The following ANTXR1 variants were observed in gnomAD, a reference collection of about 807,000 sequenced individuals.
ANTXR1 encodes ANTXR cell adhesion molecule 1, also known as anthrax toxin receptor 1.
Under a neutral mutation model 78.1 loss-of-function variants are expected in ANTXR1, and 19 were observed. That is an observed-to-expected ratio of 0.24 (90% CI 0.17 to 0.36). The LOEUF is 0.36. ANTXR1 is among the 10% of genes least tolerant of loss of function. ANTXR1 has a pLI of 1.00. For synonymous variants in ANTXR1, 273 were observed against 260.5 expected (o/e 1.05, Z -0.46); for missense variants, 518 against 718.6 (o/e 0.72, Z 3.19).
At chr2:69,181,658 C>G in intron 14 of ANTXR1, 128 bp from the exon 15 acceptor site, 2 of 893,556 alleles carry the variant, frequency 2.2e-6, no homozygotes, top group Non-Finnish European at 3.8e-6. Flanking sequence ...TTCTAGGAAA[C>G]AGTAGCACTG....
intron 12 of ANTXR1, among the ~76,000 whole-genome samples, chr2:69,129,585 C>T (rs557599142): frequency 1.3e-5 from 2 of 152,170 alleles, no homozygotes; most frequent in Admixed American, 1.3e-4. Context: ...AACCCTGTCT[C>T]TACTAAAAAT....
At chr2:69,216,538 C>G (rs1047086264) in intron 17 of ANTXR1, among the ~76,000 whole-genome samples, 8 of 152,158 alleles carry the variant, frequency 5.3e-5, no homozygotes, top group Non-Finnish European at 1.0e-4. Flanking sequence ...AAACCTCCCC[C>G]TCAGAATCAC....
chr2:69,186,915 G>A (rs943538486), intron 16 of ANTXR1, among the ~76,000 whole-genome samples: 2 of 152,188 alleles, frequency 1.3e-5, no homozygotes, highest in African/African-American at 2.4e-5. Flanking sequence ...GGCAGGTCAG[G>A]GAGAGTGACC....
intron 9 of ANTXR1, 79 bp from the exon 10 acceptor site, chr2:69,102,762 CA>C: frequency 1.4e-6 from 2 of 1,379,426 alleles, no homozygotes; most frequent in Non-Finnish European, 2.1e-6. Context: ...AAATAGTGAA[CA>C]AATGCTCTAA....
chr2:69,080,325 T>TCC (rs60392967), intron 8 of ANTXR1, among the ~76,000 whole-genome samples: 18 of 151,868 alleles, frequency 1.2e-4, no homozygotes, highest in East Asian at 3.9e-4. Context: ...ACTCTCAATT[T>TCC]CCCCCCCATC....
intron 9 of ANTXR1, among the ~76,000 whole-genome samples, chr2:69,093,078 T>C (rs186647722): frequency 1.2e-4 from 19 of 152,322 alleles, no homozygotes; most frequent in Admixed American, 1.2e-3. Context: ...AATTCACTAG[T>C]ATAATGAATT....
intron 16 of ANTXR1, among the ~76,000 whole-genome samples, chr2:69,189,992 C>T (rs544587631): frequency 1.3e-5 from 2 of 152,096 alleles, no homozygotes; most frequent in East Asian, 1.9e-4. Flanking sequence ...TTTGAGTTGC[C>T]GGCAGATAGG....
intron 17 of ANTXR1, among the ~76,000 whole-genome samples, chr2:69,232,938 C>T (rs1370756174): frequency 6.6e-6 from 1 of 152,130 alleles, no homozygotes; most frequent in African/African-American, 2.4e-5. Context: ...GACAAAAGGA[C>T]TATCACAACG....
chr2:69,070,767 G>T lies in ANTXR1; in HGVS notation c.378+39G>T, dbSNP rs1319733793. 4.4e-6 allele frequency: 7 copies of T among 1,587,418 alleles called. No individual in the cohort carries two copies. In the Admixed American group the frequency reaches 8.3e-5, roughly 19 times the overall value. ...AGTTTGAAATCCAAATATAAAGCAT[G>T]ATATTGAAATATCAACATGGGGTGA... is the stretch of plus-strand genomic sequence containing the variant. On this transcript the variant is annotated intron_variant, in intron 4 of 17. Coordinates refer to ENST00000303714, the MANE Select transcript of ANTXR1 (RefSeq NM_032208.3).
intron 17 of ANTXR1, among the ~76,000 whole-genome samples, chr2:69,222,156 T>C (rs1675335415): frequency 6.6e-6 from 1 of 152,312 alleles, no homozygotes; most frequent in South Asian, 2.1e-4. Context: ...AAGTTCACCA[T>C]TGTTAAAAAT....
At chr2:69,181,712 T>A in intron 14 of ANTXR1, 74 bp from the exon 15 acceptor site, 1 of 1,389,526 alleles carries the variant, frequency 7.2e-7, no homozygotes, top group Non-Finnish European at 1.0e-6. Context: ...CTACTCCTAA[T>A]CACTTGGCTG....
chr2:69,181,993 T>C, intron 15 of ANTXR1, 112 bp downstream of exon 15: 2 of 1,055,346 alleles, frequency 1.9e-6, no homozygotes, highest in Admixed American at 1.9e-5. Context: ...CAGGGCAGTA[T>C]GGCCGTAGAC....
intron 8 of ANTXR1, among the ~76,000 whole-genome samples, chr2:69,087,883 A>G (rs935213223): frequency 4.6e-5 from 7 of 152,168 alleles, no homozygotes; most frequent in African/African-American, 1.7e-4. Flanking sequence ...GAACCCTTCA[A>G]ATCCACCAAC....
chr2:69,189,791 G>A (rs1262511980), intron 16 of ANTXR1, among the ~76,000 whole-genome samples: 3 of 152,228 alleles, frequency 2.0e-5, no homozygotes, highest in African/African-American at 4.8e-5. Context: ...AGAGATTGGT[G>A]GTGCCATGAA....
intron 1 of ANTXR1, among the ~76,000 whole-genome samples, chr2:69,026,618 A>G (rs960721707): frequency 2.0e-5 from 3 of 152,246 alleles, no homozygotes; most frequent in Non-Finnish European, 4.4e-5. Context: ...CAGCAAGATG[A>G]GAACTGAAAA....
Position 69,013,206 on chromosome 2 carries a change from G to A in ANTXR1, c.-294G>A, listed in dbSNP as rs13390810. 6,666 of 471,478 alleles carry A rather than the reference G, an allele frequency of 0.014. 384 individuals are homozygous for A. Among genetic ancestry groups the A allele is most frequent in the African/African-American group, 0.12 (5,996 of 48,400 alleles). 29.2% of individuals were successfully genotyped at this position (471,478 alleles called of 1,614,324 possible). ...GGAACTCCTTCCATTGCAAAAGCTC[G>A]GCGCGGCCTCGGGAGCTGCCCGGCG... is the stretch of plus-strand genomic sequence containing the variant. On this transcript the variant is annotated 5_prime_UTR_variant, in exon 1 of 18. Transcript: ENST00000303714. The surrounding 1 kb of genome is among the most constrained non-coding windows in gnomAD (Gnocchi z 5.0).
chr2:69,090,746 C>A, intron 8 of ANTXR1, 113 bp from the exon 9 acceptor site: 3 of 1,060,362 alleles, frequency 2.8e-6, no homozygotes, highest in Non-Finnish European at 4.3e-6. Context: ...CCCACCGCAA[C>A]CAAATGTCCT....
chr2:69,238,595 G>A (rs1675826139), intron 17 of ANTXR1, among the ~76,000 whole-genome samples: 1 of 152,246 alleles, frequency 6.6e-6, no homozygotes, highest in East Asian at 1.9e-4. Flanking sequence ...TCTAGCCTGA[G>A]TTTACAAGAA....
intron 1 of ANTXR1, among the ~76,000 whole-genome samples, chr2:69,014,908 A>T (rs1670975887): frequency 6.6e-6 from 1 of 152,212 alleles, no homozygotes; most frequent in South Asian, 2.1e-4. Flanking sequence ...GAAGGTGGAT[A>T]CTGAAAATAT....
Sources: allele counts gnomAD v4.1 joint callset (sites outside exome capture counted in the v4.1 genomes callset), GRCh38; gene constraint gnomAD v4.1.1; non-coding constraint Gnocchi (gnomAD v3.1); transcripts MANE v1.5; gene names NCBI Gene and HGNC (gene_info 2026-07-23, HGNC 2026-07-21).